The following TMEM132D variants were observed in gnomAD, a reference collection of about 807,000 sequenced individuals.
TMEM132D encodes the protein transmembrane protein 132D, also known as mature OL transmembrane protein.
TMEM132D carries 21 observed loss-of-function variants against 62.3 expected under a neutral mutation model. That is an observed-to-expected ratio of 0.34 (90% CI 0.24 to 0.49). The LOEUF (loss-of-function observed/expected upper bound fraction) is 0.49. TMEM132D is among the 20% of genes least tolerant of loss of function. The pLI is 0.99. For missense variants in TMEM132D, 1,346 were observed against 1,402.8 expected, an observed-to-expected ratio of 0.96 and a Z score of 0.65; for synonymous variants, 621 against 575.6, an observed-to-expected ratio of 1.08 and a Z score of -1.13.
At chr12:129,124,973 G>C (rs1287804120) in intron 5 of TMEM132D, among the ~76,000 whole-genome samples, 1 of 152,076 alleles carries the variant, frequency 6.6e-6, no homozygotes. Flanking sequence ...ACAATTAAGC[G>C]ACTGCCTCTG....
At chr12:129,655,205 C>A (rs916930309) in intron 2 of TMEM132D, among the ~76,000 whole-genome samples, 4 of 150,100 alleles carry the variant, frequency 2.7e-5, no homozygotes, top group Non-Finnish European at 5.9e-5. Flanking sequence ...CCTCAGCCTC[C>A]CAAAGTGCTG....
chr12:129,798,891 GTT>G (rs1871649874), intron 1 of TMEM132D, among the ~76,000 whole-genome samples: 1 of 152,320 alleles, frequency 6.6e-6, no homozygotes, highest in East Asian at 1.9e-4. Flanking sequence ...TCTACCAACT[GTT>G]TTTGCTTGGT....
intron 2 of TMEM132D, among the ~76,000 whole-genome samples, chr12:129,615,547 T>A (rs1421617569): frequency 6.7e-5 from 10 of 149,860 alleles, no homozygotes; most frequent in African/African-American, 2.2e-4. Context: ...GCCCAGGAGT[T>A]TGGGATCAGC....
At chr12:129,817,455 CT>C (rs1872379814) in intron 1 of TMEM132D, among the ~76,000 whole-genome samples, 1 of 71,634 alleles carries the variant, frequency 1.4e-5, no homozygotes, top group East Asian at 3.9e-4. Flanking sequence ...GCACCAACCG[CT>C]CGCTCTCTCT....
chr12:129,218,532 C>T (rs8181641), intron 4 of TMEM132D, among the ~76,000 whole-genome samples: 1 of 151,926 alleles, frequency 6.6e-6, no homozygotes, highest in South Asian at 2.1e-4. Flanking sequence ...ACATAGAAAA[C>T]TGAGAATAAA....
At position 129,285,539 on chromosome 12, in the gene TMEM132D, A is replaced by AAAAAAAAAAAAAAAAAAAG. The variant is rs56018646; in HGVS notation, c.1299+52094_1299+52095insCTTTTTTTTTTTTTTTTTT. Among the ~76,000 whole-genome samples, 92 of 90,044 alleles carry AAAAAAAAAAAAAAAAAAAG rather than the reference A, an allele frequency of 1.0e-3. 1 individual carries two copies. Among genetic ancestry groups the AAAAAAAAAAAAAAAAAAAG allele is most frequent in the East Asian group, 2.8e-3 (8 of 2,888 alleles). The allele number at this position is 90,044 out of a possible 152,430, so 59.1% of individuals were successfully genotyped here. A position where few individuals can be genotyped will look rare whatever the true frequency, so the allele number is the denominator to read the frequency against. On this transcript the variant is annotated intron_variant, in intron 4 of 8. Coordinates refer to ENST00000422113, the MANE Select transcript of TMEM132D (RefSeq NM_133448.3). ...GAGACTGTGTCTCAAAAAAAAAAAA[A>AAAAAAAAAAAAAAAAAAAG]AGAGAGAGAGAGAGAGGCTCCCATT... is the stretch of plus-strand genomic sequence containing the variant.
chr12:129,627,571 CTTT>C (rs921696238), intron 2 of TMEM132D, among the ~76,000 whole-genome samples: 2 of 151,754 alleles, frequency 1.3e-5, no homozygotes, highest in African/African-American at 4.8e-5. Flanking sequence ...AACCAGAAAC[CTTT>C]TTTTTAGAGA....
At chr12:129,409,379 TA>T (rs925884402) in intron 3 of TMEM132D, among the ~76,000 whole-genome samples, 1 of 152,042 alleles carries the variant, frequency 6.6e-6, no homozygotes, top group African/African-American at 2.4e-5. Flanking sequence ...CATTCCCTTA[TA>T]CACACACACA....
intron 7 of TMEM132D, among the ~76,000 whole-genome samples, chr12:129,079,962 C>T (rs575543826): frequency 1.3e-5 from 2 of 152,266 alleles, no homozygotes; most frequent in South Asian, 4.1e-4. Context: ...ATGGCTTTTC[C>T]CCTTTGCACT....
chr12:129,401,867 CGT>C (rs1871634634), intron 3 of TMEM132D, among the ~76,000 whole-genome samples: 1 of 152,086 alleles, frequency 6.6e-6, no homozygotes, highest in South Asian at 2.1e-4. Context: ...TGTTCGATAA[CGT>C]GTAAAGATTT....
intron 1 of TMEM132D, among the ~76,000 whole-genome samples, chr12:129,814,547 GT>G (rs1392136358): frequency 7.3e-6 from 1 of 137,444 alleles, no homozygotes; most frequent in Non-Finnish European, 1.5e-5. Flanking sequence ...GGAGACAGAG[GT>G]TGCAGTGAGC....
chr12:129,388,145 T>C (rs112098035), intron 3 of TMEM132D, among the ~76,000 whole-genome samples: 3,520 of 41,968 alleles, frequency 0.084, 89 homozygotes, highest in African/African-American at 0.12. Flanking sequence ...AACACTAACA[T>C]GAGTCCTAAT....
chr12:129,336,957 G>A (rs181408080), intron 4 of TMEM132D, among the ~76,000 whole-genome samples: 4 of 152,250 alleles, frequency 2.6e-5, no homozygotes, highest in Admixed American at 1.3e-4. Context: ...CAAAGGGCAC[G>A]GCCGTCTCAC....
At chr12:129,339,350 C>T (rs1020131912) in intron 3 of TMEM132D, among the ~76,000 whole-genome samples, 2 of 40,856 alleles carry the variant, frequency 4.9e-5, no homozygotes, top group Non-Finnish European at 1.2e-4. Flanking sequence ...AGGAGGGGGC[C>T]GGAGAAATGA....
chr12:129,644,913 G>A (rs1879732985), intron 2 of TMEM132D, among the ~76,000 whole-genome samples: 2 of 149,058 alleles, frequency 1.3e-5, no homozygotes, highest in Non-Finnish European at 1.5e-5. Context: ...CTGAACCCAG[G>A]AGGCGGAGCT....
chr12:129,903,821 C>G lies in TMEM132D; in HGVS notation c.-482G>C, dbSNP rs1342495092. Among the ~76,000 whole-genome samples the G allele has an allele frequency of 6.8e-6, 1 of 147,046 alleles. No individual in the cohort carries two copies. The highest frequency in any genetic ancestry group is 1.5e-5 in the Non-Finnish European group (1 of 66,146). On this transcript the variant is annotated 5_prime_UTR_variant, in exon 1 of 9. Coordinates refer to ENST00000422113, the MANE Select transcript of TMEM132D (RefSeq NM_133448.3). The surrounding 1 kb of genome is among the most constrained non-coding windows in gnomAD (Gnocchi z 6.2). ...CAGAGGCGGCTCGGAGCCCCCCGGG[C>G]GGGTGGCCGGGCTCGCTGGGCGGCC... is the stretch of plus-strand genomic sequence containing the variant.
At chr12:129,623,710 T>G (rs1042481625) in intron 2 of TMEM132D, among the ~76,000 whole-genome samples, 23 of 146,504 alleles carry the variant, frequency 1.6e-4, no homozygotes, top group Non-Finnish European at 3.1e-4. Flanking sequence ...TATACATACA[T>G]ATGCATATAT....
chr12:129,674,317 C>T (rs1880575707), intron 2 of TMEM132D, among the ~76,000 whole-genome samples: 1 of 152,136 alleles, frequency 6.6e-6, no homozygotes, highest in Non-Finnish European at 1.5e-5. Context: ...GATAAATTCA[C>T]CTTAAAATGT....
intron 4 of TMEM132D, among the ~76,000 whole-genome samples, chr12:129,263,507 T>A (rs752776890): frequency 6.6e-6 from 1 of 152,150 alleles, no homozygotes; most frequent in East Asian, 1.9e-4. Context: ...CAGCTCTAAC[T>A]TCTGTGCTCT....
Sources: gnomAD v4.1 joint callset for allele counts (sites outside exome capture counted in the v4.1 genomes callset) on GRCh38, gnomAD v4.1.1 for gene constraint, Gnocchi (gnomAD v3.1) non-coding constraint, MANE v1.5 for transcripts, NCBI Gene and HGNC (gene_info 2026-07-23, HGNC 2026-07-21) for gene names.